The following MTM1 variants were observed in gnomAD, a reference collection of about 807,000 sequenced individuals.
The protein encoded by MTM1 is myotubularin 1, also known as myotubularin.
MTM1 carries 9 observed loss-of-function variants against 52.1 expected under a neutral mutation model. That is an observed-to-expected ratio of 0.17 (90% CI 0.10 to 0.30). The LOEUF (loss-of-function observed/expected upper bound fraction) is 0.30, where lower values mean the gene tolerates loss of function less well. Among genes scored for constraint, MTM1 ranks in the 10% least tolerant of loss-of-function variants. The pLI is 1.00. For synonymous variants in MTM1, 136 were observed against 163.8 expected (o/e 0.83, Z 1.29); for missense variants, 277 against 470.7 (o/e 0.59, Z 3.81).
chrX:150,611,247 T>C (rs1046986286), intron 4 of MTM1, among the ~76,000 whole-genome samples: 15 of 112,080 alleles, frequency 1.3e-4, no homozygotes, highest in Admixed American at 1.1e-3. Context: ...TACTAAGATA[T>C]TCTTTGCCAT....
intron 10 of MTM1, among the ~76,000 whole-genome samples, chrX:150,657,493 G>A (rs1663040049): frequency 9.5e-6 from 1 of 105,496 alleles, no homozygotes; most frequent in African/African-American, 3.5e-5. Context: ...GGGAGGGATA[G>A]CATTAGGAGA....
intron 14 of MTM1, 86 bp downstream of exon 14, chrX:150,663,695 A>C (rs1557414818): frequency 1.2e-6 from 1 of 865,944 alleles, no homozygotes; most frequent in Admixed American, 2.3e-5. Context: ...TTTTAACAGC[A>C]TGAAGAAAAA....
intron 4 of MTM1, among the ~76,000 whole-genome samples, chrX:150,604,294 C>A (rs2039116418): frequency 8.9e-6 from 1 of 111,737 alleles, no homozygotes; most frequent in Non-Finnish European, 1.9e-5. Context: ...AACAAAGCTC[C>A]TTAGAGTTTA....
intron 4 of MTM1, 92 bp from the exon 5 acceptor site, chrX:150,614,496 TC>T: frequency 1.8e-6 from 1 of 557,442 alleles, no homozygotes; most frequent in East Asian, 3.6e-5. Context: ...CAAGGTAAAA[TC>T]ACTCTGAAAG....
chrX:150,656,699 A>G (rs2040120805), intron 10 of MTM1, among the ~76,000 whole-genome samples: 1 of 111,759 alleles, frequency 8.9e-6, no homozygotes, highest in South Asian at 3.7e-4. Context: ...CAACCTACAG[A>G]ATGGGAGAAA....
chrX:150,589,808 C>T (rs891057261), intron 1 of MTM1, among the ~76,000 whole-genome samples: 15 of 107,411 alleles, frequency 1.4e-4, no homozygotes, highest in African/African-American at 1.0e-4. Flanking sequence ...GCTAGCCATG[C>T]GCTATCCCTG....
At chrX:150,655,172 A>C (rs2040090011) in intron 10 of MTM1, among the ~76,000 whole-genome samples, 1 of 109,390 alleles carries the variant, frequency 9.1e-6, no homozygotes, top group Admixed American at 9.8e-5. Flanking sequence ...AAAAAATACA[A>C]AAATTAGCTG....
At chrX:150,592,058 T>A (rs2038894499) in intron 1 of MTM1, among the ~76,000 whole-genome samples, 1 of 112,535 alleles carries the variant, frequency 8.9e-6, no homozygotes. Context: ...AAGTATATAC[T>A]TTCCCTAGAA....
intron 5 of MTM1, among the ~76,000 whole-genome samples, chrX:150,617,775 A>G (rs1557413173): frequency 8.9e-6 from 1 of 111,957 alleles, no homozygotes; most frequent in Non-Finnish European, 1.9e-5. Flanking sequence ...AGACTGTGAT[A>G]TCCAAGAGGG....
intron 5 of MTM1, 133 bp downstream of exon 5, chrX:150,614,832 C>T (rs2039353654): frequency 2.2e-6 from 1 of 453,316 alleles, no homozygotes; most frequent in Admixed American, 3.7e-5. Context: ...ATGGTTCTTC[C>T]CTTAAGAACA....
At chrX:150,669,221 A>G (rs782045259) in intron 14 of MTM1, among the ~76,000 whole-genome samples, 1 of 111,775 alleles carries the variant, frequency 8.9e-6, no homozygotes, top group South Asian at 3.7e-4. Flanking sequence ...ATTCCTTTTT[A>G]TGGCTGCATA....
chrX:150,671,733 G>T lies in MTM1; in HGVS notation c.*138G>T. 1 of 663,510 alleles carries T rather than the reference G, an allele frequency of 1.5e-6. No individual in the cohort carries two copies. Among genetic ancestry groups the T allele is most frequent in the Non-Finnish European group, 2.3e-6 (1 of 436,668 alleles). 54.7% of individuals were successfully genotyped at this position (663,510 alleles called of 1,213,427 possible). A position where few individuals can be genotyped will look rare whatever the true frequency, so the allele number is the denominator to read the frequency against. On this transcript the variant is annotated 3_prime_UTR_variant, in exon 15 of 15. Coordinates refer to ENST00000370396, the MANE Select transcript of MTM1 (RefSeq NM_000252.3). ...AACATAATCTTAAACTCTTGAATAT[G>T]TGCCTTCTAGAATACATATTACAAG... is the stretch of plus-strand genomic sequence containing the variant.
chrX:150,584,585 G>A (rs980901092), intron 1 of MTM1, among the ~76,000 whole-genome samples: 135 of 111,287 alleles, frequency 1.2e-3, no homozygotes, highest in Non-Finnish European at 1.0e-3. Context: ...TTGTGCTGGT[G>A]CCAGAATGGA....
intron 1 of MTM1, among the ~76,000 whole-genome samples, chrX:150,581,428 C>G (rs782752921): frequency 9.0e-6 from 1 of 111,522 alleles, no homozygotes; most frequent in South Asian, 3.7e-4. Flanking sequence ...GTAATAAAAA[C>G]TTTCTCCTTT....
At chrX:150,635,641 T>C (rs1284628671) in intron 6 of MTM1, among the ~76,000 whole-genome samples, 2 of 111,941 alleles carry the variant, frequency 1.8e-5, no homozygotes, top group Admixed American at 1.9e-4. Context: ...TTTTTGTTTT[T>C]GTAATAATCC....
intron 1 of MTM1, among the ~76,000 whole-genome samples, chrX:150,590,133 G>T (rs942622778): frequency 1.3e-4 from 14 of 111,768 alleles, no homozygotes; most frequent in African/African-American, 4.6e-4. Context: ...CAACATTTGT[G>T]CACACCAGCA....
At chrX:150,590,419 A>G (rs186415328) in intron 1 of MTM1, among the ~76,000 whole-genome samples, 44 of 111,912 alleles carry the variant, frequency 3.9e-4, no homozygotes, top group African/African-American at 1.3e-3. Context: ...AGGGATAGCA[A>G]ATTCGTGGTT....
intron 4 of MTM1, among the ~76,000 whole-genome samples, chrX:150,605,675 A>G (rs1374439066): frequency 8.9e-6 from 1 of 112,427 alleles, no homozygotes; most frequent in Non-Finnish European, 1.9e-5. Flanking sequence ...GTGCAAAGGT[A>G]ATATTTGGAG....
chrX:150,600,344 A>G (rs1166025522), intron 4 of MTM1, among the ~76,000 whole-genome samples: 1 of 112,411 alleles, frequency 8.9e-6, no homozygotes, highest in East Asian at 2.8e-4. Context: ...AGTTGTTATC[A>G]GTAAAGGATA....
Sources: gnomAD v4.1 joint callset for allele counts (sites outside exome capture counted in the v4.1 genomes callset) on GRCh38, gnomAD v4.1.1 for gene constraint, MANE v1.5 for transcripts, NCBI Gene and HGNC (gene_info 2026-07-23, HGNC 2026-07-21) for gene names.